The following LSM4 variants were observed in gnomAD, a reference collection of about 807,000 sequenced individuals.
LSM4 encodes the protein LSM4 homolog, U6 small nuclear RNA and mRNA degradation associated.
Under a neutral mutation model 22.3 loss-of-function variants are expected in LSM4, and 15 were observed. The observed-to-expected ratio is 0.67, with a 90% CI of 0.45 to 1.03. The LOEUF is 1.03. Ranked by LOEUF, LSM4 falls within the 50% of genes least tolerant of loss-of-function variation. The probability of loss-of-function intolerance (pLI) is 0.00; values close to 1 mark genes in which losing one functional copy is unlikely to be tolerated. For synonymous variants in LSM4, 90 were observed against 79.8 expected (o/e 1.13, Z -0.68); for missense variants, 127 against 198.0 (o/e 0.64, Z 2.15).
chr19:18,322,310 T>A (rs2148149044), intron 1 of LSM4, among the ~76,000 whole-genome samples: 1 of 152,296 alleles, frequency 6.6e-6, no homozygotes, highest in African/African-American at 2.4e-5. Flanking sequence ...TTTTCCGATC[T>A]GCACAGTGGG....
intron 1 of LSM4, 90 bp downstream of exon 1, chr19:18,322,928 G>T: frequency 6.5e-7 from 1 of 1,545,602 alleles, no homozygotes. Flanking sequence ...TTCGCCCCGC[G>T]CCAACCAAGC....
chr19:18,319,024 C>T (rs1294775160), intron 1 of LSM4, among the ~76,000 whole-genome samples: 1 of 152,190 alleles, frequency 6.6e-6, no homozygotes, highest in African/African-American at 2.4e-5. Context: ...GGGCAGATCA[C>T]CTGAGGTCAG....
At chr19:18,308,173 C>T (rs142907673) in intron 4 of LSM4, among the ~76,000 whole-genome samples, 69 of 152,260 alleles carry the variant, frequency 4.5e-4, no homozygotes, top group African/African-American at 1.4e-3. Flanking sequence ...AGGGGGTTCC[C>T]GGGAGATGAG....
intron 1 of LSM4, among the ~76,000 whole-genome samples, chr19:18,318,677 A>C (rs993960828): frequency 3.3e-5 from 5 of 152,252 alleles, no homozygotes. Flanking sequence ...CGCAGAGGTC[A>C]GGCTAGCCCT....
At chr19:18,316,600 G>A (rs1446701594) in intron 1 of LSM4, among the ~76,000 whole-genome samples, 2 of 152,020 alleles carry the variant, frequency 1.3e-5, no homozygotes, top group African/African-American at 2.4e-5. Flanking sequence ...CACCCGCCTC[G>A]GCTTCCCAAA....
At chr19:18,316,204 G>C (rs905905089) in intron 1 of LSM4, 139 bp from the exon 2 acceptor site, 4 of 663,834 alleles carry the variant, frequency 6.0e-6, no homozygotes, top group Admixed American at 4.9e-5. Flanking sequence ...CCCCCCACTG[G>C]AAATGCCATT....
At position 18,307,418 on chromosome 19, in the gene LSM4, C is replaced by T. The variant is rs535029436; in HGVS notation, c.*46G>A. On this transcript the variant is annotated 3_prime_UTR_variant, in exon 5 of 5. Transcript: ENST00000593829. Reference sequence around the variant, plus strand: ...TCCGTCCGAGACTGTGGAGCGGAATCGCCACCCTGGCAGGAGGGGGCGCAG... The same window carrying T: ...TCCGTCCGAGACTGTGGAGCGGAATTGCCACCCTGGCAGGAGGGGGCGCAG... The T allele has an allele frequency of 1.9e-4, 278 of 1,441,800 alleles. 1 individual carries two copies. In the South Asian group the frequency reaches 2.8e-3, roughly 15 times the overall value. The allele number at this position is 1,441,800 out of a possible 1,614,324, so 89.3% of individuals were successfully genotyped here. A position where few individuals can be genotyped will look rare whatever the true frequency, so the allele number is the denominator to read the frequency against.
chr19:18,314,977 C>T (rs1003155821), intron 2 of LSM4, among the ~76,000 whole-genome samples: 4 of 152,082 alleles, frequency 2.6e-5, no homozygotes, highest in Non-Finnish European at 4.4e-5. Context: ...CTCCGCCTCC[C>T]GGGTTCACGC....
chr19:18,312,472 C>G, intron 3 of LSM4, 132 bp downstream of exon 3: 1 of 729,344 alleles, frequency 1.4e-6, no homozygotes, highest in Non-Finnish European at 2.4e-6. Context: ...TCCCTCCTGA[C>G]TGACCCCTGG....
intron 3 of LSM4, 94 bp downstream of exon 3, chr19:18,312,510 C>G: frequency 1.8e-6 from 2 of 1,083,970 alleles, no homozygotes; most frequent in Non-Finnish European, 2.8e-6. Flanking sequence ...GGCGGCCTCC[C>G]CCACTGACTC....
intron 2 of LSM4, among the ~76,000 whole-genome samples, chr19:18,313,586 T>C (rs1398596231): frequency 6.6e-6 from 1 of 152,170 alleles, no homozygotes; most frequent in Non-Finnish European, 1.5e-5. Context: ...ATCGTGATCA[T>C]GGCTCACTAC....
intron 2 of LSM4, among the ~76,000 whole-genome samples, chr19:18,313,943 C>T (rs576283525): frequency 6.6e-6 from 1 of 152,208 alleles, no homozygotes; most frequent in Admixed American, 6.5e-5. Context: ...CCTCAACCTC[C>T]CAAGTAGCTG....
rs1041158907 is a variant in LSM4 at position 18,309,819 on chromosome 19, C to T, written c.187G>A (p.Gly63Ser). 3 of 1,613,646 alleles carry T rather than the reference C, an allele frequency of 1.9e-6. No individual in the cohort carries two copies. The highest frequency in any genetic ancestry group is 2.5e-6 in the Non-Finnish European group (3 of 1,179,886). ...FWRMPECYIR[G>S]STIKYLRIPD... ...ATGCGCAGGTACTTGATGGTGCTGCCGCGGATGTAGCACTCGGGCATCCGC... is the reference window on the plus strand; with the variant it reads ...ATGCGCAGGTACTTGATGGTGCTGCTGCGGATGTAGCACTCGGGCATCCGC... The change falls in exon 4 of 5, where the codon GGC becomes AGC. Residue 63 changes from glycine (G) to serine (S), a missense_variant. Transcript: ENST00000593829.
At chr19:18,314,944 G>A (rs562950174) in intron 2 of LSM4, among the ~76,000 whole-genome samples, 4 of 152,086 alleles carry the variant, frequency 2.6e-5, no homozygotes, top group Non-Finnish European at 4.4e-5. Flanking sequence ...GAGTGCAGTG[G>A]CGCGATCTCA....
intron 3 of LSM4, among the ~76,000 whole-genome samples, chr19:18,311,804 C>T (rs535024755): frequency 1.8e-4 from 28 of 152,272 alleles, no homozygotes; most frequent in Non-Finnish European, 3.4e-4. Flanking sequence ...GTGGGGGTGG[C>T]GGTCAGGGCA....
intron 1 of LSM4, among the ~76,000 whole-genome samples, chr19:18,321,255 C>T (rs1970421745): frequency 6.6e-6 from 1 of 152,232 alleles, no homozygotes; most frequent in African/African-American, 2.4e-5. Context: ...TCCCACAAAA[C>T]TTAACACAGG....
In LSM4 at chr19:18,319,603, G is replaced by A. The variant is rs188955125; in HGVS notation, c.3+3415C>T. On this transcript the variant is annotated intron_variant, in intron 1 of 4. Coordinates refer to ENST00000593829, the MANE Select transcript of LSM4 (RefSeq NM_012321.5). Reference sequence around the variant, plus strand: ...AACAAAAAACCCAAATAGGGTTGGTGCAGACCCACTCTCACAACACTCCTC... The same window carrying A: ...AACAAAAAACCCAAATAGGGTTGGTACAGACCCACTCTCACAACACTCCTC... 1.6e-4 allele frequency among the ~76,000 whole-genome samples: 25 copies of A among 152,298 alleles called. No homozygotes were observed. In the East Asian group the frequency reaches 3.9e-3, roughly 23 times the overall value.
intron 3 of LSM4, chr19:18,312,313 G>A (rs113364367): frequency 0.015 from 5,405 of 366,066 alleles, 282 homozygotes; most frequent in African/African-American, 0.1. Context: ...CCTGGAGGGG[G>A]CTGCCCCAGC....
intron 4 of LSM4, chr19:18,309,388 C>T (rs924473150): frequency 2.8e-5 from 12 of 425,648 alleles, no homozygotes; most frequent in East Asian, 7.9e-5. Context: ...GAGTTGCCAG[C>T]GGCCTGGACA....
Sources: allele counts gnomAD v4.1 joint callset (sites outside exome capture counted in the v4.1 genomes callset), GRCh38; gene constraint gnomAD v4.1.1; transcripts MANE v1.5; gene names NCBI Gene and HGNC (gene_info 2026-07-23, HGNC 2026-07-21).